Variants in FGF12 observed in about 807,000 individuals in gnomAD.
FGF12 encodes the protein fibroblast growth factor 12, also known as fibroblast growth factor 12B.
FGF12 carries 14 observed loss-of-function variants against 23.6 expected under a neutral mutation model. That is an observed-to-expected ratio of 0.59 (90% confidence interval 0.39 to 0.93). The LOEUF (loss-of-function observed/expected upper bound fraction) is 0.93, where lower values mean the gene tolerates loss of function less well. FGF12 is among the 40% of genes least tolerant of loss of function. The pLI is 0.00. For synonymous variants in FGF12, 62 were observed against 77.3 expected (o/e 0.80, Z 1.04); for missense variants, 175 against 217.8 (o/e 0.80, Z 1.24).
At chr3:192,157,962 A>C (rs1173860561) in intron 5 of FGF12, among the ~76,000 whole-genome samples, 1 of 152,230 alleles carries the variant, frequency 6.6e-6, no homozygotes, top group Non-Finnish European at 1.5e-5. Flanking sequence ...ACTGAAGAAC[A>C]AAGAGGGTAA....
At position 192,140,941 on chromosome 3, in the gene FGF12, G is replaced by T; in HGVS notation, c.*3068C>A. The T allele has an allele frequency of 1.3e-5, 2 of 151,650 alleles. No individual in the cohort carries two copies. The highest frequency in any genetic ancestry group is 1.9e-4 in the East Asian group (1 of 5,172). The allele number at this position is 151,650 out of a possible 1,614,324, so 9.4% of individuals were successfully genotyped here. On this transcript the variant is annotated 3_prime_UTR_variant, in exon 6 of 6. Coordinates refer to ENST00000445105, the MANE Select transcript of FGF12 (RefSeq NM_004113.6). ...TCTGCGAGCTTAAAAATCAAGTAAG[G>T]TGTATTGACCAGAAAGCTATTTTGT...
At chr3:192,430,874 C>G (rs953835660) in intron 2 of FGF12, among the ~76,000 whole-genome samples, 2 of 152,114 alleles carry the variant, frequency 1.3e-5, no homozygotes, top group Admixed American at 1.3e-4. Flanking sequence ...GTATTGGGAG[C>G]ATAATTGTTA....
chr3:192,461,916 G>T (rs1377196282), intron 2 of FGF12, among the ~76,000 whole-genome samples: 1 of 151,986 alleles, frequency 6.6e-6, no homozygotes, highest in Middle Eastern at 3.2e-3. Flanking sequence ...CTTGAACCCG[G>T]GAGGTGGAGG....
chr3:192,700,056 G>T (rs773645965), intron 2 of FGF12, among the ~76,000 whole-genome samples: 119 of 152,240 alleles, frequency 7.8e-4, no homozygotes, highest in Non-Finnish European at 1.6e-4. Context: ...AAAAACTACA[G>T]TACTTCTTAC....
chr3:192,145,508 A>G (rs1208794528), intron 5 of FGF12, among the ~76,000 whole-genome samples: 1 of 152,220 alleles, frequency 6.6e-6, no homozygotes, highest in African/African-American at 2.4e-5. Context: ...TATGAATCAG[A>G]AGGATTGTAG....
intron 5 of FGF12, among the ~76,000 whole-genome samples, chr3:192,160,741 A>G (rs1453476716): frequency 1.3e-5 from 2 of 152,176 alleles, no homozygotes; most frequent in Non-Finnish European, 2.9e-5. Flanking sequence ...TATGTTCCAA[A>G]TGAATATTCC....
intron 2 of FGF12, among the ~76,000 whole-genome samples, chr3:192,412,334 G>T (rs1664189514): frequency 6.6e-6 from 1 of 152,198 alleles, no homozygotes; most frequent in Non-Finnish European, 1.5e-5. Flanking sequence ...AGAGGCACAG[G>T]AGAGAAGGAA....
In FGF12 at chr3:192,417,368, A is replaced by T. The variant is rs576096284; in HGVS notation, c.14-56830T>A. On this transcript the variant is annotated intron_variant, in intron 2 of 5. Coordinates refer to ENST00000445105, the MANE Select transcript of FGF12 (RefSeq NM_004113.6). ...GTAGAATTCATTACCAAAAAAAAAA[A>T]AAAATGCTAAAAATGATCTGTGTAT... Among the ~76,000 whole-genome samples, 207 of 152,142 alleles carry T rather than the reference A, an allele frequency of 1.4e-3. 1 individual carries two copies. Among genetic ancestry groups the T allele is most frequent in the African/African-American group, 4.9e-3 (205 of 41,508 alleles).
At chr3:192,167,771 A>T (rs28588059) in intron 5 of FGF12, among the ~76,000 whole-genome samples, 4,760 of 20,542 alleles carry the variant, frequency 0.23, 657 homozygotes, top group Middle Eastern at 0.38. Context: ...ATATATATAA[A>T]ATTTTTTTTT....
At chr3:192,331,300 T>C (rs1300030841) in intron 4 of FGF12, among the ~76,000 whole-genome samples, 2 of 126,954 alleles carry the variant, frequency 1.6e-5, no homozygotes, top group Non-Finnish European at 3.2e-5. Flanking sequence ...GAAAACAGTA[T>C]GGAGTTTTCT....
chr3:192,371,579 G>C (rs1719233146), intron 2 of FGF12, among the ~76,000 whole-genome samples: 1 of 152,228 alleles, frequency 6.6e-6, no homozygotes, highest in Non-Finnish European at 1.5e-5. Flanking sequence ...AATTAATGTA[G>C]ATAGGAAAAT....
intron 2 of FGF12, among the ~76,000 whole-genome samples, chr3:192,640,796 TTTGTTTG>T (rs1031137736): frequency 1.7e-4 from 3 of 17,228 alleles, no homozygotes; most frequent in Non-Finnish European, 3.7e-4. Flanking sequence ...ACCCCTTTTT[TTTGTTTG>T]TTTGTTTGTT....
intron 2 of FGF12, among the ~76,000 whole-genome samples, chr3:192,466,384 AACAC>A: frequency 6.6e-6 from 1 of 152,168 alleles, no homozygotes; most frequent in South Asian, 2.1e-4. Context: ...AAAGCACTTA[AACAC>A]ACACACACGC....
intron 2 of FGF12, among the ~76,000 whole-genome samples, chr3:192,561,872 G>A (rs1437663827): frequency 6.7e-6 from 1 of 149,272 alleles, no homozygotes; most frequent in Non-Finnish European, 1.5e-5. Context: ...TTACACAAGA[G>A]AAGTTAAAAC....
chr3:192,663,173 C>T (rs995143153), intron 2 of FGF12, among the ~76,000 whole-genome samples: 8 of 152,212 alleles, frequency 5.3e-5, no homozygotes, highest in South Asian at 4.1e-4. Context: ...TTTGTAAATG[C>T]GTAGTTACTA....
intron 2 of FGF12, among the ~76,000 whole-genome samples, chr3:192,640,065 C>T (rs147114848): frequency 7.3e-5 from 11 of 149,692 alleles, no homozygotes; most frequent in African/African-American, 2.5e-4. Context: ...ACCAGGGGCA[C>T]GGGATGGGAA....
intron 2 of FGF12, among the ~76,000 whole-genome samples, chr3:192,543,085 A>C (rs1199492856): frequency 6.6e-6 from 1 of 152,070 alleles, no homozygotes; most frequent in East Asian, 1.9e-4. Context: ...TTGTCCTTCC[A>C]TTCAGAATGG....
chr3:192,308,691 A>G (rs138999044), intron 4 of FGF12, among the ~76,000 whole-genome samples: 1,989 of 152,122 alleles, frequency 0.013, 39 homozygotes, highest in African/African-American at 0.044. Context: ...AAAAAAAAAA[A>G]AGAAATTAAT....
chr3:192,361,323 A>G (rs1718716254), intron 2 of FGF12, among the ~76,000 whole-genome samples: 1 of 152,124 alleles, frequency 6.6e-6, no homozygotes, highest in Admixed American at 6.6e-5. Flanking sequence ...GCTAATATAA[A>G]TATTTAAAGC....
Sources: gnomAD v4.1 joint callset for allele counts (sites outside exome capture counted in the v4.1 genomes callset) on GRCh38, gnomAD v4.1.1 for gene constraint, MANE v1.5 for transcripts, NCBI Gene and HGNC (gene_info 2026-07-23, HGNC 2026-07-21) for gene names.